The following RBFOX3 variants were observed in gnomAD, a reference collection of about 807,000 sequenced individuals.
RBFOX3 encodes the protein RNA binding fox-1 homolog 3.
In RBFOX3, 17 loss-of-function variants were observed where a neutral mutation model predicts 48.7. The ratio of observed to expected loss-of-function variants is 0.35; its 90% CI spans 0.24 to 0.52. The LOEUF (loss-of-function observed/expected upper bound fraction) is 0.52. RBFOX3 is among the 20% of genes least tolerant of loss of function. The pLI, the probability that RBFOX3 is intolerant of heterozygous loss-of-function variation, is 0.94. For missense variants in RBFOX3, 382 were observed against 497.5 expected, an observed-to-expected ratio of 0.77 and a Z score of 2.21; for synonymous variants, 212 against 209.5, an observed-to-expected ratio of 1.01 and a Z score of -0.10.
intron 14 of RBFOX3, chr17:79,092,087 C>G: frequency 1.0e-6 from 1 of 985,474 alleles, no homozygotes. Flanking sequence ...GTGCCTGGAG[C>G]CCCTCCCTCC....
intron 1 of RBFOX3, among the ~76,000 whole-genome samples, chr17:79,530,567 C>T (rs1472808191): frequency 6.6e-6 from 1 of 152,172 alleles, no homozygotes; most frequent in Non-Finnish European, 1.5e-5. Context: ...CAGCCCAGCC[C>T]TGCAAGCCAG....
At chr17:79,378,995 TG>T (rs764170972) in intron 2 of RBFOX3, among the ~76,000 whole-genome samples, 1 of 152,130 alleles carries the variant, frequency 6.6e-6, no homozygotes, top group Non-Finnish European at 1.5e-5. Flanking sequence ...CTGGGTTCCG[TG>T]TCCCAGCCCT....
rs1023236554 is a variant in RBFOX3 at position 79,447,962 on chromosome 17, G to A, written c.-175+34492C>T. Among the ~76,000 whole-genome samples, 4 of 152,126 alleles carry A rather than the reference G, an allele frequency of 2.6e-5. No individual in the cohort carries two copies. The East Asian group carries it at 7.7e-4, about 29-fold the overall frequency. On this transcript the variant is annotated intron_variant, in intron 2 of 14. Transcript: ENST00000693108. ...AGTGAGTTTACACAAGACCCAGTTC[G>A]TTTGAAAGTGTGTAGCACCTCCCCC...
intron 2 of RBFOX3, among the ~76,000 whole-genome samples, chr17:79,385,282 G>A (rs1297395355): frequency 6.6e-6 from 1 of 152,240 alleles, no homozygotes. Flanking sequence ...ACCCAGCAGG[G>A]CGGGGAGGCT....
At chr17:79,620,151 G>A in the RBFOX3 span, among the ~76,000 whole-genome samples, 5 of 77,676 alleles carry the variant, frequency 6.4e-5, no homozygotes, top group East Asian at 8.3e-4. Context: ...GCACACACAT[G>A]CACGCGCGGA....
At chr17:79,513,442 C>A (rs1599009424) in intron 1 of RBFOX3, among the ~76,000 whole-genome samples, 1 of 152,082 alleles carries the variant, frequency 6.6e-6, no homozygotes, top group South Asian at 2.1e-4. Flanking sequence ...CACCATTGGG[C>A]ATGGCTGTGC....
chr17:79,100,264 GATCA>G (rs2076168357), intron 9 of RBFOX3: 1 of 152,216 alleles, frequency 6.6e-6, no homozygotes, highest in Non-Finnish European at 1.5e-5. Flanking sequence ...CCCGCTGGTT[GATCA>G]CCTGTACCCT....
chr17:79,379,974 CGCACATCCCCGGCTCT>C (rs1176949923), intron 2 of RBFOX3, among the ~76,000 whole-genome samples: 1 of 152,140 alleles, frequency 6.6e-6, no homozygotes, highest in Non-Finnish European at 1.5e-5. Flanking sequence ...CCTCCCTGTC[CGCACATCCCCGGCTCT>C]GCTGTTCTGC....
At chr17:79,558,561 C>T (rs927694678) in intron 1 of RBFOX3, among the ~76,000 whole-genome samples, 2 of 152,108 alleles carry the variant, frequency 1.3e-5, no homozygotes, top group Non-Finnish European at 2.9e-5. Context: ...GACCAGCCCT[C>T]CAAGGTGGCT....
rs2080839366 is a variant in RBFOX3, at chr17:79,492,512, C to T, written c.-319-9914G>A. Among the ~76,000 whole-genome samples, 6 of 152,356 alleles carry T rather than the reference C, an allele frequency of 3.9e-5. No individual in the cohort carries two copies. In the South Asian group the frequency reaches 1.2e-3, roughly 32 times the overall value. On this transcript the variant is annotated intron_variant, in intron 1 of 14. Transcript: ENST00000693108. ...GAGGAACTGGGGCCACAGCCAGCAG[C>T]CACGAGAGAGACCAGCTTACAAGCA...
chr17:79,178,947 C>T (rs1490227859), intron 4 of RBFOX3, among the ~76,000 whole-genome samples: 2 of 152,224 alleles, frequency 1.3e-5, no homozygotes, highest in Admixed American at 1.3e-4. Context: ...GCACGAGCTG[C>T]TGTTCAGTGC....
intron 4 of RBFOX3, among the ~76,000 whole-genome samples, chr17:79,151,442 CG>C (rs2044415714): frequency 8.9e-5 from 1 of 11,286 alleles, no homozygotes; most frequent in African/African-American, 3.2e-4. Flanking sequence ...GGAGGGGAGG[CG>C]AGGATGGGAG....
intron 2 of RBFOX3, among the ~76,000 whole-genome samples, chr17:79,400,535 G>T (rs2148401131): frequency 6.6e-6 from 1 of 151,290 alleles, no homozygotes; most frequent in East Asian, 2.0e-4. Context: ...CCAGAGGTTG[G>T]CGCTTCAACT....
intron 3 of RBFOX3, among the ~76,000 whole-genome samples, chr17:79,269,879 A>C (rs953924031): frequency 3.3e-5 from 5 of 152,138 alleles, no homozygotes; most frequent in African/African-American, 1.2e-4. Context: ...ACTCTCCAGC[A>C]AAGTGAGCCC....
At chr17:79,417,820 A>G (rs2065641809) in intron 2 of RBFOX3, among the ~76,000 whole-genome samples, 1 of 152,270 alleles carries the variant, frequency 6.6e-6, no homozygotes, top group Non-Finnish European at 1.5e-5. Context: ...GCGGCAGCCC[A>G]GTGTCCACGG....
chr17:79,228,421 G>A (rs1002249588), intron 4 of RBFOX3, among the ~76,000 whole-genome samples: 1 of 152,176 alleles, frequency 6.6e-6, no homozygotes, highest in Non-Finnish European at 1.5e-5. Flanking sequence ...ATACTCTGGG[G>A]AAAACACAGA....
chr17:79,358,857 G>C (rs952247912), intron 2 of RBFOX3, among the ~76,000 whole-genome samples: 1 of 152,188 alleles, frequency 6.6e-6, no homozygotes, highest in Non-Finnish European at 1.5e-5. Context: ...GGTTTCTCAT[G>C]TGTATCAGCT....
chr17:79,123,587 A>C (rs1320575104), intron 4 of RBFOX3, among the ~76,000 whole-genome samples: 3 of 152,000 alleles, frequency 2.0e-5, no homozygotes, highest in Non-Finnish European at 4.4e-5. Context: ...GCCCTAATGG[A>C]TGGATCAATG....
chr17:79,441,312 T>A (rs1446882064), intron 2 of RBFOX3, among the ~76,000 whole-genome samples: 1 of 152,088 alleles, frequency 6.6e-6, no homozygotes, highest in African/African-American at 2.4e-5. Context: ...GCCCCTAAGA[T>A]TCATGTCCTC....
Sources: allele counts gnomAD v4.1 joint callset (sites outside exome capture counted in the v4.1 genomes callset), GRCh38; gene constraint gnomAD v4.1.1; transcripts MANE v1.5; gene names NCBI Gene and HGNC (gene_info 2026-07-23, HGNC 2026-07-21).